STARD7: variants seen among roughly 807,000 people sequenced by gnomAD.
The protein encoded by STARD7 is stAR-related lipid transfer protein 7, mitochondrial.
Under a neutral mutation model 45.3 loss-of-function variants are expected in STARD7, and 30 were observed. That is an observed-to-expected ratio of 0.66 (90% CI 0.50 to 0.90). The LOEUF (loss-of-function observed/expected upper bound fraction) is 0.90. STARD7 is among the 40% of genes least tolerant of loss of function. The pLI, the probability that STARD7 is intolerant of heterozygous loss-of-function variation, is 0.00. For missense variants in STARD7, 495 were observed against 491.3 expected (o/e 1.01, Z -0.07); for synonymous variants, 199 against 183.0 (o/e 1.09, Z -0.70).
intron 1 of STARD7, among the ~76,000 whole-genome samples, chr2:96,201,568 C>T (rs1683305890): frequency 6.8e-6 from 1 of 146,448 alleles, no homozygotes; most frequent in Non-Finnish European, 1.5e-5. Flanking sequence ...AGCCTGGCAA[C>T]AGAGTAAGAC....
chr2:96,208,375 C>T lies in STARD7; in HGVS notation c.60G>A (p.Leu20=), dbSNP rs1372128518. 17 of 1,521,240 alleles carry T rather than the reference C, an allele frequency of 1.1e-5. No homozygotes were observed. In the East Asian group the frequency reaches 4.6e-4, roughly 42 times the overall value. 94.2% of individuals were successfully genotyped at this position (1,521,240 alleles called of 1,614,324 possible). ...AGCGGCACTGATTGGCCAGAAGCGC[C>T]AGCAGGCCCCCGCCCCGCGTCCCCG... The part of the protein sequence containing the change: ...WLAGTRGGGL[L]ALLANQCRFV... Residue 20 remains leucine, a synonymous_variant, in exon 1 of 8, where the codon CTG becomes CTA. Transcript: ENST00000337288.
chr2:96,196,699 G>C (rs941803684), intron 1 of STARD7, among the ~76,000 whole-genome samples: 16 of 152,166 alleles, frequency 1.1e-4, no homozygotes, highest in African/African-American at 3.6e-4. Context: ...CTGACCTCAT[G>C]ATCTGCCCGC....
At chr2:96,195,073 C>G in intron 2 of STARD7, 66 bp from the exon 3 acceptor site, 1 of 1,420,284 alleles carries the variant, frequency 7.0e-7, no homozygotes, top group Non-Finnish European at 9.7e-7. Flanking sequence ...TTTCTTTCAC[C>G]TAGCGGCGTT....
intron 6 of STARD7, chr2:96,187,502 C>A: frequency 2.0e-6 from 1 of 502,546 alleles, no homozygotes; most frequent in Non-Finnish European, 3.6e-6. Flanking sequence ...TGACCCTTGG[C>A]CAACTTCGCT....
At chr2:96,189,385 A>G (rs1262577244) in intron 6 of STARD7, among the ~76,000 whole-genome samples, 1 of 152,098 alleles carries the variant, frequency 6.6e-6, no homozygotes, top group South Asian at 2.1e-4. Flanking sequence ...ATCCAGCTGC[A>G]TATCTTTACT....
At chr2:96,193,006 C>CAA in intron 5 of STARD7, 72 bp downstream of exon 5, 1 of 1,123,204 alleles carries the variant, frequency 8.9e-7, no homozygotes, top group Non-Finnish European at 1.3e-6. Context: ...TAAGAATATA[C>CAA]AAACTCAGGT....
intron 3 of STARD7, among the ~76,000 whole-genome samples, chr2:96,194,336 C>G (rs1302858479): frequency 6.6e-6 from 1 of 151,586 alleles, no homozygotes; most frequent in African/African-American, 2.4e-5. Context: ...CTGGGTAACA[C>G]AGCAGGACCC....
At chr2:96,202,384 G>C (rs1683320437) in intron 1 of STARD7, among the ~76,000 whole-genome samples, 1 of 152,166 alleles carries the variant, frequency 6.6e-6, no homozygotes, top group Admixed American at 6.5e-5. Context: ...ATACCGTTTT[G>C]ATTAATTCCT....
intron 1 of STARD7, among the ~76,000 whole-genome samples, chr2:96,204,398 C>CA: frequency 6.6e-6 from 1 of 151,854 alleles, no homozygotes; most frequent in Non-Finnish European, 1.5e-5. Flanking sequence ...ACTAAGGATA[C>CA]AAAAAATTAG....
chr2:96,187,009 T>C, intron 7 of STARD7, 95 bp from the exon 8 acceptor site: 1 of 1,214,962 alleles, frequency 8.2e-7, no homozygotes, highest in Non-Finnish European at 1.2e-6. Flanking sequence ...GGGAACTAGT[T>C]CTTCCTTATA....
At chr2:96,203,568 TTCAG>T (rs1252578806) in intron 1 of STARD7, among the ~76,000 whole-genome samples, 1 of 152,176 alleles carries the variant, frequency 6.6e-6, no homozygotes, top group Non-Finnish European at 1.5e-5. Context: ...AATTAGGAAT[TTCAG>T]TCAGACAACA....
rs770256358 is a variant in STARD7, at chr2:96,185,552, G to C, written c.*1178C>G. On this transcript the variant is annotated 3_prime_UTR_variant, in exon 8 of 8. Coordinates refer to ENST00000337288, the MANE Select transcript of STARD7 (RefSeq NM_020151.4). Reference sequence around the variant, plus strand: ...ATTGTGACCTTATCTGAACAGTGTAGTTCACTTTTATTTTGGCTCTGAAGA... The same window carrying C: ...ATTGTGACCTTATCTGAACAGTGTACTTCACTTTTATTTTGGCTCTGAAGA... The C allele has an allele frequency of 6.6e-6, 1 of 152,190 alleles. No individual in the cohort carries two copies. Among genetic ancestry groups the C allele is most frequent in the African/African-American group, 2.4e-5 (1 of 41,438 alleles). The allele number at this position is 152,190 out of a possible 1,614,324, so 9.4% of individuals were successfully genotyped here.
In STARD7 at chr2:96,208,226, C is replaced by G; in HGVS notation, c.209G>C (p.Gly70Ala). Residue 70 changes from glycine (G) to alanine (A), a missense_variant, in exon 1 of 8, where the codon GGC (glycine) becomes GCC (alanine). Physicochemically the swap from Gly to Ala is moderately conservative, Grantham distance 60. This residue lies in a region of STARD7 where 282 missense variants were observed against 220.1 expected (regional missense o/e 1.28). Coordinates refer to ENST00000337288, the MANE Select transcript of STARD7 (RefSeq NM_020151.4). ...RLWRRLHGRP[G>A]HASALMAALA... The stretch of plus-strand genomic sequence containing the variant: ...CGCCGCCATCAAGGCAGAGGCATGG[C>G]CAGGACGGCCGTGCAGCCGGCGCCA... 1 of 1,612,576 alleles carries G rather than the reference C, an allele frequency of 6.2e-7. No homozygotes were observed. Among genetic ancestry groups the G allele is most frequent in the Non-Finnish European group, 8.5e-7 (1 of 1,179,644 alleles).
chr2:96,207,889 A>G (rs529869369), intron 1 of STARD7, among the ~76,000 whole-genome samples: 1 of 152,322 alleles, frequency 6.6e-6, no homozygotes, highest in South Asian at 2.1e-4. Context: ...TTGTTTCTTT[A>G]CTGTCTTGCT....
intron 1 of STARD7, among the ~76,000 whole-genome samples, chr2:96,205,821 CA>C (rs1232428139): frequency 6.6e-6 from 1 of 152,156 alleles, no homozygotes; most frequent in African/African-American, 2.4e-5. Flanking sequence ...CTTCCTATCA[CA>C]TTAACAAATA....
rs1683011517 is a variant in STARD7, at chr2:96,184,961, C to T, written c.*1769G>A. On this transcript the variant is annotated 3_prime_UTR_variant, in exon 8 of 8. Coordinates refer to ENST00000337288, the MANE Select transcript of STARD7 (RefSeq NM_020151.4). Reference sequence around the variant, plus strand: ...TGACATGAGTAACTGTACAGACAGACCCCAAGTGCAGAATCAAATTGCCCT... The same window carrying T: ...TGACATGAGTAACTGTACAGACAGATCCCAAGTGCAGAATCAAATTGCCCT... 6.6e-6 allele frequency: 1 copy of T among 152,610 alleles called. No individual in the cohort carries two copies. Among genetic ancestry groups the T allele is most frequent in the Admixed American group, 6.5e-5 (1 of 15,278 alleles). The allele number at this position is 152,610 out of a possible 1,614,324, so 9.5% of individuals were successfully genotyped here. A position where few individuals can be genotyped will look rare whatever the true frequency, so the allele number is the denominator to read the frequency against.
chr2:96,187,149 A>C (rs1251089203), intron 7 of STARD7, 68 bp downstream of exon 7: 9 of 1,220,800 alleles, frequency 7.4e-6, no homozygotes, highest in South Asian at 1.3e-5. Context: ...TTATTTCCCC[A>C]TTAGGAAATA....
At chr2:96,193,989 T>C (rs1284593886) in intron 3 of STARD7, among the ~76,000 whole-genome samples, 1 of 152,198 alleles carries the variant, frequency 6.6e-6, no homozygotes, top group Non-Finnish European at 1.5e-5. Context: ...CGATCCCACC[T>C]CCCTGTTTCA....
Position 96,205,699 on chromosome 2 carries a change from G to A in STARD7, c.290+2446C>T, listed in dbSNP as rs537209476. Reference sequence around the variant, plus strand: ...GAATACTTAAACACAAAGCAAATAAGTTAATCTGTACCCAGAATATTTTAA... The same window carrying A: ...GAATACTTAAACACAAAGCAAATAAATTAATCTGTACCCAGAATATTTTAA... On this transcript the variant is annotated intron_variant, in intron 1 of 7. Coordinates refer to ENST00000337288, the MANE Select transcript of STARD7 (RefSeq NM_020151.4). Among the ~76,000 whole-genome samples the A allele has an allele frequency of 5.9e-5, 9 of 152,210 alleles. No homozygotes were observed. In the South Asian group the frequency reaches 1.9e-3, roughly 32 times the overall value.
Sources: allele counts gnomAD v4.1 joint callset (sites outside exome capture counted in the v4.1 genomes callset), GRCh38; gene constraint gnomAD v4.1.1; regional missense constraint gnomAD v4.1.1; transcripts MANE v1.5; gene names NCBI Gene and HGNC (gene_info 2026-07-23, HGNC 2026-07-21).